LINS1: variants seen among roughly 807,000 people sequenced by gnomAD.
LINS1 encodes the protein lines homolog 1, also known as protein Lines homolog 1.
Under a neutral mutation model 41.6 loss-of-function variants are expected in LINS1, and 27 were observed. That is an observed-to-expected ratio of 0.65 (90% CI 0.48 to 0.89). The LOEUF is 0.89. Among genes scored for constraint, LINS1 ranks in the 40% least tolerant of loss-of-function variants. The pLI, the probability that LINS1 is intolerant of heterozygous loss-of-function variation, is 0.00. For synonymous variants in LINS1, 336 were observed against 312.9 expected, an observed-to-expected ratio of 1.07 and a Z score of -0.78; for missense variants, 955 against 884.1, an observed-to-expected ratio of 1.08 and a Z score of -1.02.
In LINS1 at chr15:100,569,171, T is replaced by A; in HGVS notation, c.*67A>T. 9.8e-7 allele frequency: 1 copy of A among 1,019,666 alleles called. No individual in the cohort carries two copies. The highest frequency in any genetic ancestry group is 1.5e-6 in the Non-Finnish European group (1 of 663,736). 63.2% of individuals were successfully genotyped at this position (1,019,666 alleles called of 1,614,324 possible). On this transcript the variant is annotated 3_prime_UTR_variant, in exon 7 of 7. Transcript: ENST00000314742. ...CCCTTTTATGGTGATGATTTTATAC[T>A]ATTACCTCATTGAGACATAATTTAT... is the stretch of plus-strand genomic sequence containing the variant.
rs200254501 is a variant in LINS1, at chr15:100,580,659, T to C, written c.184A>G (p.Ile62Val). 1.6e-5 allele frequency: 26 copies of C among 1,613,966 alleles called. No individual in the cohort carries two copies. Among genetic ancestry groups the C allele is most frequent in the Admixed American group, 1.2e-4 (7 of 59,914 alleles). ...TCGIQGRHQPISVGVAPIAVA... is the reference protein window; with the variant it reads ...TCGIQGRHQPVSVGVAPIAVA... ...GCAATGGGAGCCACACCAACAGAGA[T>C]GGGCTGATGCCTGCCCTGGATACCA... Residue 62 changes from isoleucine to valine, a missense_variant, in exon 2 of 7, where the codon ATC (isoleucine) becomes GTC (valine). By Grantham distance (29) the Ile-to-Val change is conservative. Transcript: ENST00000314742.
Position 100,580,497 on chromosome 15 carries a change from A to AATTAATTAATTTTAATT in LINS1, c.345_346insAATTAAAATTAATTAAT (p.Tyr116AsnfsTer2). 6.2e-7 allele frequency: 1 copy of AATTAATTAATTTTAATT among 1,614,036 alleles called. No individual in the cohort carries two copies. The highest frequency in any genetic ancestry group is 8.5e-7 in the Non-Finnish European group (1 of 1,179,922). On this transcript the variant is annotated stop_gained and frameshift_variant, in exon 2 of 7. Coordinates refer to ENST00000314742, the MANE Select transcript of LINS1 (RefSeq NM_001040616.3). LOFTEE classifies it high-confidence loss of function. ...AAGAGAATTTTAATTACATCTCTGT[A>AATTAATTAATTTTAATT]CTGCTCCTTTGCATGGAACTCGGTT...
At chr15:100,589,842 A>C (rs1369088762) in intron 1 of LINS1, among the ~76,000 whole-genome samples, 1 of 152,226 alleles carries the variant, frequency 6.6e-6, no homozygotes, top group Non-Finnish European at 1.5e-5. Context: ...TCATGTTATA[A>C]AACTAAGTCA....
In LINS1 at chr15:100,573,865, A is replaced by G. The variant is rs1282958312; in HGVS notation, c.1008T>C (p.Ala336=). Residue 336 remains alanine, a synonymous_variant, in exon 5 of 7, where the codon GCT becomes GCC. Transcript: ENST00000314742. ...CAGCTTGCAAAACAGCATTAGCTAAAGCCAGCATGTCCACCGCTACATGAT... is the reference window on the plus strand; with the variant it reads ...CAGCTTGCAAAACAGCATTAGCTAAGGCCAGCATGTCCACCGCTACATGAT... ...PDHHVAVDML[A]LANAVLQAVN... 5 of 1,614,134 alleles carry G rather than the reference A, an allele frequency of 3.1e-6. No homozygotes were observed.
At chr15:100,575,278 A>G (rs1454634525) in intron 3 of LINS1, 150 bp from the exon 4 acceptor site, 12 of 630,204 alleles carry the variant, frequency 1.9e-5, no homozygotes, top group Non-Finnish European at 1.9e-5. Context: ...AATATTATTT[A>G]AGTAAAAAAA....
At chr15:100,597,982 T>G (rs1228539773) in intron 1 of LINS1, among the ~76,000 whole-genome samples, 1 of 152,266 alleles carries the variant, frequency 6.6e-6, no homozygotes, top group Non-Finnish European at 1.5e-5. Context: ...ATGTCTTTAT[T>G]TATTAACCTT....
At chr15:100,580,158 G>A (rs1194436034) in intron 3 of LINS1, 105 bp downstream of exon 3, 3 of 881,840 alleles carry the variant, frequency 3.4e-6, no homozygotes, top group Non-Finnish European at 5.4e-6. Flanking sequence ...CCAGAAGTTT[G>A]AGATCAGATT....
At position 100,569,570 on chromosome 15, in the gene LINS1, T is replaced by C. The variant is rs1567709736; in HGVS notation, c.1942A>G (p.Lys648Glu). Residue 648 changes from lysine to glutamate, a missense_variant, in exon 7 of 7, where the codon AAA becomes GAA. Physicochemically the swap from Lys to Glu is moderately conservative, Grantham distance 56 (BLOSUM62 1). Transcript: ENST00000314742. ...ESTEQCLANS[K>E]QTSLHQQATK... ...GCTTGCTGGTGTAAAGATGTCTGTT[T>C]ACTGTTAGCTAAACACTGCTCTGTG... 1.9e-6 allele frequency: 3 copies of C among 1,614,200 alleles called. No homozygotes were observed. Among genetic ancestry groups the C allele is most frequent in the Middle Eastern group, 1.6e-4 (1 of 6,062 alleles).
chr15:100,572,336 T>C (rs959996160), intron 5 of LINS1: 11 of 1,226,700 alleles, frequency 9.0e-6, no homozygotes, highest in Middle Eastern at 3.4e-4. Context: ...AACTGTCTCT[T>C]AGAAATAAAA....
intron 3 of LINS1, among the ~76,000 whole-genome samples, chr15:100,579,065 A>C (rs2141301248): frequency 6.6e-6 from 1 of 152,150 alleles, no homozygotes; most frequent in South Asian, 2.1e-4. Context: ...TAGGAGATAC[A>C]CCTAATGTAA....
At chr15:100,576,872 T>C (rs1048240177) in intron 3 of LINS1, among the ~76,000 whole-genome samples, 2 of 152,180 alleles carry the variant, frequency 1.3e-5, no homozygotes, top group Admixed American at 1.3e-4. Context: ...TGGTTCAACA[T>C]ATGCAAATCA....
chr15:100,587,449 G>A lies in LINS1; in HGVS notation c.-103-6504C>T, dbSNP rs958710997. On this transcript the variant is annotated intron_variant, in intron 1 of 6. Transcript: ENST00000314742. ...TTATGTGGGTTTTTTGGGGCCCTGG[G>A]TAACACTGTAGCCTCCAGGATAGAC... 2.4e-4 allele frequency among the ~76,000 whole-genome samples: 36 copies of A among 152,206 alleles called. 1 individual carries two copies. The highest frequency in any genetic ancestry group is 6.8e-3 in the Middle Eastern group (2 of 294).
chr15:100,595,822 C>A (rs955835820), intron 1 of LINS1, among the ~76,000 whole-genome samples: 1 of 152,224 alleles, frequency 6.6e-6, no homozygotes, highest in Non-Finnish European at 1.5e-5. Flanking sequence ...ATCTATTTTG[C>A]TCCATTAATG....
At chr15:100,576,368 A>C (rs2038179269) in intron 3 of LINS1, among the ~76,000 whole-genome samples, 1 of 152,242 alleles carries the variant, frequency 6.6e-6, no homozygotes, top group Admixed American at 6.5e-5. Flanking sequence ...ATAGAAATAC[A>C]AACTACCATC....
rs749089893 is a variant in LINS1 at position 100,569,697 on chromosome 15, C to G, written c.1815G>C (p.Met605Ile). 1 of 1,613,812 alleles carries G rather than the reference C, an allele frequency of 6.2e-7. No homozygotes were observed. Among genetic ancestry groups the G allele is most frequent in the Non-Finnish European group, 8.5e-7 (1 of 1,179,822 alleles). The part of the protein sequence containing the change: ...DAPSEPLKAV[M>I]SKGAHTMCAS... Reference sequence around the variant, plus strand: ...CACACATGGTGTGAGCCCCCTTGGACATCACAGCTTTCAGTGGTTCAGAGG... The same window carrying G: ...CACACATGGTGTGAGCCCCCTTGGAGATCACAGCTTTCAGTGGTTCAGAGG... Residue 605 changes from methionine (M) to isoleucine (I), a missense_variant, in exon 7 of 7, where the codon ATG becomes ATC. Transcript: ENST00000314742.
At chr15:100,579,308 A>G (rs1363990250) in intron 3 of LINS1, among the ~76,000 whole-genome samples, 1 of 151,978 alleles carries the variant, frequency 6.6e-6, no homozygotes, top group Non-Finnish European at 1.5e-5. Flanking sequence ...TAGGTAGACT[A>G]TAACAATTCA....
At chr15:100,574,945 G>C in intron 4 of LINS1, 42 bp downstream of exon 4, 1 of 1,600,382 alleles carries the variant, frequency 6.2e-7, no homozygotes, top group Non-Finnish European at 8.5e-7. Flanking sequence ...AACGCTCCCA[G>C]GAGCAAGATG....
chr15:100,586,483 T>C (rs1041026573), intron 1 of LINS1, among the ~76,000 whole-genome samples: 7 of 152,250 alleles, frequency 4.6e-5, no homozygotes, highest in African/African-American at 1.7e-4. Context: ...TGTTTCTAAA[T>C]TGTGGAACTG....
chr15:100,573,473 T>A, intron 5 of LINS1, 178 bp downstream of exon 5: 1 of 867,138 alleles, frequency 1.2e-6, no homozygotes, highest in Non-Finnish European at 1.7e-6. Context: ...AGCTGACATG[T>A]TTCTTAAAGG....
Sources: allele counts gnomAD v4.1 joint callset (sites outside exome capture counted in the v4.1 genomes callset), GRCh38; gene constraint gnomAD v4.1.1; transcripts MANE v1.5; gene names NCBI Gene and HGNC (gene_info 2026-07-23, HGNC 2026-07-21).